ZNF407: variants seen among roughly 807,000 people sequenced by gnomAD.
ZNF407 encodes zinc finger protein 407.
Under a neutral mutation model 131.2 loss-of-function variants are expected in ZNF407, and 17 were observed. That is an observed-to-expected ratio of 0.13 (90% confidence interval 0.09 to 0.19). ZNF407 has a LOEUF of 0.19. Ranked by LOEUF, ZNF407 falls within the 10% of genes least tolerant of loss-of-function variation. ZNF407 has a pLI of 1.00. For missense variants in ZNF407, 2,681 were observed against 2,830.6 expected (o/e 0.95, Z 1.20); for synonymous variants, 1,156 against 1,062.0 (o/e 1.09, Z -1.72).
At chr18:75,057,603 C>T (rs910002346) in intron 8 of ZNF407, among the ~76,000 whole-genome samples, 1 of 152,166 alleles carries the variant, frequency 6.6e-6, no homozygotes, top group African/African-American at 2.4e-5. Flanking sequence ...AAGCCTGTGT[C>T]CTACAGTGTC....
At chr18:74,799,965 G>T (rs1969991840) in intron 4 of ZNF407, among the ~76,000 whole-genome samples, 1 of 130,398 alleles carries the variant, frequency 7.7e-6, no homozygotes, top group African/African-American at 3.0e-5. Context: ...TTGCTTTTTG[G>T]TTACCTTACA....
intron 8 of ZNF407, among the ~76,000 whole-genome samples, chr18:75,030,933 C>G (rs921264969): frequency 2.0e-5 from 3 of 152,192 alleles, no homozygotes; most frequent in Admixed American, 1.3e-4. Flanking sequence ...TACACCGAGT[C>G]CCACTAAAGC....
At chr18:74,913,462 C>G (rs982105646) in intron 7 of ZNF407, among the ~76,000 whole-genome samples, 2 of 152,194 alleles carry the variant, frequency 1.3e-5, no homozygotes, top group African/African-American at 4.8e-5. Flanking sequence ...AGGCCCCATG[C>G]TGTGCTGTTC....
At chr18:74,677,263 G>T (rs146296401) in intron 3 of ZNF407, among the ~76,000 whole-genome samples, 1,524 of 152,216 alleles carry the variant, frequency 0.01, 12 homozygotes, top group South Asian at 0.023. Flanking sequence ...GTTAATTTCT[G>T]TATTTTTTGT....
At chr18:74,624,582 C>T (rs1330510293) in intron 1 of ZNF407, among the ~76,000 whole-genome samples, 2 of 152,180 alleles carry the variant, frequency 1.3e-5, no homozygotes, top group African/African-American at 2.4e-5. Flanking sequence ...GTTAATCTTC[C>T]TAAAGCAGGG....
At position 74,615,869 on chromosome 18, in the gene ZNF407, G is replaced by T. The variant is rs984970225; in HGVS notation, c.-53-15098G>T. 4.1e-3 allele frequency among the ~76,000 whole-genome samples: 594 copies of T among 146,274 alleles called. 1 individual carries two copies. The highest frequency in any genetic ancestry group is 0.013 in the African/African-American group (535 of 40,066). The stretch of plus-strand genomic sequence containing the variant: ...CAATGGGGAAAGAACTGTTGTTGTT[G>T]TTTTTTTTTTTAAGATGGAGTTTCA... On this transcript the variant is annotated intron_variant, in intron 1 of 8. Transcript: ENST00000299687.
intron 3 of ZNF407, among the ~76,000 whole-genome samples, chr18:74,670,462 C>G (rs1482148572): frequency 6.6e-6 from 1 of 152,060 alleles, no homozygotes; most frequent in Non-Finnish European, 1.5e-5. Context: ...TTCGAATAAG[C>G]AACTGCTTGA....
At chr18:74,917,060 T>C in intron 7 of ZNF407, among the ~76,000 whole-genome samples, 1 of 152,062 alleles carries the variant, frequency 6.6e-6, no homozygotes. Flanking sequence ...CGAGAGTTCT[T>C]TTTTGTTTGT....
At chr18:74,967,128 C>A (rs539611678) in intron 8 of ZNF407, among the ~76,000 whole-genome samples, 13 of 152,208 alleles carry the variant, frequency 8.5e-5, no homozygotes, top group African/African-American at 2.9e-4. Context: ...CAAGCATATG[C>A]TTGTGATCCC....
chr18:74,795,452 A>T (rs376317700), intron 4 of ZNF407, among the ~76,000 whole-genome samples: 1 of 152,242 alleles, frequency 6.6e-6, no homozygotes, highest in Non-Finnish European at 1.5e-5. Flanking sequence ...ACATTACAGC[A>T]TTGGAAAAAA....
At chr18:75,061,392 C>T (rs750401843) in intron 8 of ZNF407, 7 of 152,194 alleles carry the variant, frequency 4.6e-5, no homozygotes, top group Non-Finnish European at 7.4e-5. Context: ...GTTTAAAGAG[C>T]CCATTTCTTT....
At chr18:74,820,487 C>G (rs1312933689) in intron 4 of ZNF407, among the ~76,000 whole-genome samples, 1 of 152,198 alleles carries the variant, frequency 6.6e-6, no homozygotes, top group East Asian at 1.9e-4. Flanking sequence ...TCAGGGACAA[C>G]GAGTTCACTG....
chr18:74,849,713 G>T (rs188286216), intron 4 of ZNF407, among the ~76,000 whole-genome samples: 37 of 152,306 alleles, frequency 2.4e-4, no homozygotes, highest in East Asian at 1.4e-3. Flanking sequence ...AGAAAGAGAC[G>T]AAGGAGATTC....
chr18:74,856,173 A>G (rs1363587622), intron 4 of ZNF407, among the ~76,000 whole-genome samples: 1 of 152,258 alleles, frequency 6.6e-6, no homozygotes, highest in Non-Finnish European at 1.5e-5. Context: ...TTAGATCATT[A>G]GCATATCATG....
intron 8 of ZNF407, among the ~76,000 whole-genome samples, chr18:75,029,553 C>T (rs1973213428): frequency 6.7e-6 from 1 of 148,190 alleles, no homozygotes; most frequent in Non-Finnish European, 1.5e-5. Flanking sequence ...CGCTCACCAC[C>T]TTCATTCAGG....
intron 8 of ZNF407, among the ~76,000 whole-genome samples, chr18:74,954,963 T>C (rs1395832102): frequency 1.3e-5 from 2 of 152,220 alleles, no homozygotes; most frequent in Non-Finnish European, 2.9e-5. Flanking sequence ...CCTAAAGGTG[T>C]TGTTATATGT....
intron 1 of ZNF407, chr18:74,598,303 C>T (rs1242335442): frequency 6.6e-6 from 1 of 152,348 alleles, no homozygotes; most frequent in East Asian, 1.9e-4. Context: ...CTTGTGGACA[C>T]CTCGGGGCTG....
chr18:74,859,192 A>T (rs1022771217), intron 4 of ZNF407, among the ~76,000 whole-genome samples: 1 of 152,250 alleles, frequency 6.6e-6, no homozygotes, highest in African/African-American at 2.4e-5. Context: ...GTTGAAAGTT[A>T]TAGCTGAAAT....
intron 6 of ZNF407, among the ~76,000 whole-genome samples, chr18:74,889,239 TA>T (rs1478844104): frequency 1.3e-5 from 2 of 152,044 alleles, no homozygotes; most frequent in African/African-American, 4.8e-5. Flanking sequence ...ACGCATTTCT[TA>T]GAACCTGTCC....
Sources: gnomAD v4.1 joint callset for allele counts (sites outside exome capture counted in the v4.1 genomes callset) on GRCh38, gnomAD v4.1.1 for gene constraint, MANE v1.5 for transcripts, NCBI Gene and HGNC (gene_info 2026-07-23, HGNC 2026-07-21) for gene names.